The following PDE8B variants were observed in gnomAD, a reference collection of about 807,000 sequenced individuals.
The protein encoded by PDE8B is phosphodiesterase 8B.
Under a neutral mutation model 101.3 loss-of-function variants are expected in PDE8B, and 26 were observed. The ratio of observed to expected loss-of-function variants is 0.26; its 90% CI spans 0.19 to 0.36. The LOEUF (loss-of-function observed/expected upper bound fraction) is 0.36. PDE8B is among the 10% of genes least tolerant of loss of function. The pLI is 1.00. For synonymous variants in PDE8B, 424 were observed against 429.3 expected, an observed-to-expected ratio of 0.99 and a Z score of 0.15; for missense variants, 810 against 1,163.1, an observed-to-expected ratio of 0.70 and a Z score of 4.42.
intron 10 of PDE8B, among the ~76,000 whole-genome samples, chr5:77,387,952 G>A (rs914601522): frequency 1.3e-5 from 2 of 151,856 alleles, no homozygotes; most frequent in Non-Finnish European, 2.9e-5. Flanking sequence ...TCTCTAAACT[G>A]GTTATTCTAG....
At chr5:77,410,165 A>G (rs1794261970) in intron 14 of PDE8B, among the ~76,000 whole-genome samples, 1 of 152,262 alleles carries the variant, frequency 6.6e-6, no homozygotes, top group Admixed American at 6.5e-5. Flanking sequence ...GGTGTTAAAC[A>G]GCAACTTCTA....
intron 1 of PDE8B, among the ~76,000 whole-genome samples, chr5:77,264,786 A>G (rs543302752): frequency 7.3e-4 from 111 of 152,308 alleles, no homozygotes; most frequent in African/African-American, 2.6e-3. Flanking sequence ...CAATTATGTT[A>G]TTATTCTTAA....
At chr5:77,350,363 T>C (rs1780859746) in intron 8 of PDE8B, among the ~76,000 whole-genome samples, 1 of 152,122 alleles carries the variant, frequency 6.6e-6, no homozygotes, top group African/African-American at 2.4e-5. Flanking sequence ...TTCCAAAGAT[T>C]GTTGCCAAAA....
intron 2 of PDE8B, among the ~76,000 whole-genome samples, chr5:77,319,253 T>A (rs867657342): frequency 6.6e-6 from 1 of 152,280 alleles, no homozygotes; most frequent in Non-Finnish European, 1.5e-5. Context: ...GCATAAACTT[T>A]GCAGCTGGCT....
chr5:77,343,238 A>G (rs1779535360), intron 6 of PDE8B, among the ~76,000 whole-genome samples: 1 of 152,240 alleles, frequency 6.6e-6, no homozygotes. Context: ...ATAATGAAAT[A>G]CAGTCATGCA....
At chr5:77,129,183 T>TG in the PDE8B span, among the ~76,000 whole-genome samples, 2 of 152,140 alleles carry the variant, frequency 1.3e-5, no homozygotes, top group Non-Finnish European at 1.5e-5. Context: ...ATCTTCAGTG[T>TG]GGGGGAAAAG....
chr5:77,172,200 G>T, the PDE8B span, among the ~76,000 whole-genome samples: 1 of 152,166 alleles, frequency 6.6e-6, no homozygotes, highest in Non-Finnish European at 1.5e-5. Context: ...TTGCAAGCTT[G>T]GCAAACTCAG....
chr5:77,111,497 C>T, the PDE8B span, among the ~76,000 whole-genome samples: 1 of 152,092 alleles, frequency 6.6e-6, no homozygotes, highest in African/African-American at 2.4e-5. Flanking sequence ...GGCTCCCTGA[C>T]TGCAGAAAGC....
At chr5:77,172,804 T>C in the PDE8B span, among the ~76,000 whole-genome samples, 3 of 152,212 alleles carry the variant, frequency 2.0e-5, no homozygotes, top group Non-Finnish European at 4.4e-5. Context: ...GGACAGGCAG[T>C]GGGTGTCGGA....
chr5:77,160,934 T>C, the PDE8B span, among the ~76,000 whole-genome samples: 277 of 152,358 alleles, frequency 1.8e-3, no homozygotes, highest in African/African-American at 6.0e-3. Context: ...ATTACAGGCA[T>C]GAGCCACCAT....
At chr5:77,117,800 A>G in the PDE8B span, among the ~76,000 whole-genome samples, 1 of 152,216 alleles carries the variant, frequency 6.6e-6, no homozygotes, top group African/African-American at 2.4e-5. Flanking sequence ...CTGCGATTGA[A>G]ATATGCATCC....
chr5:77,113,078 A>C, the PDE8B span: 1 of 152,266 alleles, frequency 6.6e-6, no homozygotes, highest in Non-Finnish European at 1.5e-5. Flanking sequence ...TATCATGAAA[A>C]TGGCCATACT....
At chr5:77,138,861 A>G in the PDE8B span, among the ~76,000 whole-genome samples, 52,712 of 152,142 alleles carry the variant, frequency 0.35, 9,466 homozygotes, top group Non-Finnish European at 0.4. Flanking sequence ...TCTTAGGACT[A>G]TAGTCCTAAC....
intron 5 of PDE8B, 97 bp from the exon 6 acceptor site, chr5:77,337,130 A>G: frequency 1.4e-6 from 1 of 724,370 alleles, no homozygotes; most frequent in South Asian, 1.5e-5. Flanking sequence ...TATATAACGG[A>G]GTTACCTGGG....
At chr5:77,175,390 C>T in the PDE8B span, among the ~76,000 whole-genome samples, 2 of 152,218 alleles carry the variant, frequency 1.3e-5, no homozygotes, top group Admixed American at 6.5e-5. Context: ...AAGCTTTTTC[C>T]TGCCTTAAGG....
chr5:77,336,693 A>G (rs185655238), intron 5 of PDE8B, among the ~76,000 whole-genome samples: 37 of 152,320 alleles, frequency 2.4e-4, no homozygotes, highest in African/African-American at 8.7e-4. Context: ...ACACACATGT[A>G]TGAGTATTTA....
chr5:77,346,303 G>C (rs1473927910), intron 7 of PDE8B, among the ~76,000 whole-genome samples: 7 of 152,158 alleles, frequency 4.6e-5, no homozygotes, highest in Non-Finnish European at 5.9e-5. Flanking sequence ...TTCTGTTACA[G>C]ACCAAGCACA....
intron 1 of PDE8B, among the ~76,000 whole-genome samples, chr5:77,217,177 C>G (rs72765185): frequency 0.13 from 19,955 of 151,844 alleles, 1,756 homozygotes; most frequent in East Asian, 0.49. Flanking sequence ...CTTTTTTTAT[C>G]ACTTCCTCTG....
intron 21 of PDE8B, chr5:77,426,122 A>C: frequency 1.6e-6 from 1 of 608,058 alleles, no homozygotes; most frequent in Non-Finnish European, 2.9e-6. Flanking sequence ...TGGATAAACG[A>C]GTCTCTGCCT....
Sources: allele counts gnomAD v4.1 joint callset (sites outside exome capture counted in the v4.1 genomes callset), GRCh38; gene constraint gnomAD v4.1.1; transcripts MANE v1.5; gene names NCBI Gene and HGNC (gene_info 2026-07-23, HGNC 2026-07-21).